The following COX10 variants were observed in gnomAD, a reference collection of about 807,000 sequenced individuals.
The protein encoded by COX10 is cytochrome c oxidase assembly factor heme A:farnesyltransferase COX10.
Under a neutral mutation model 37.3 loss-of-function variants are expected in COX10, and 27 were observed. The ratio of observed to expected loss-of-function variants is 0.72; its 90% CI spans 0.53 to 1.00. The LOEUF (loss-of-function observed/expected upper bound fraction) is 1.00, where lower values mean the gene tolerates loss of function less well. Ranked by LOEUF, COX10 falls within the 50% of genes least tolerant of loss-of-function variation. The pLI, the probability that COX10 is intolerant of heterozygous loss-of-function variation, is 0.00. For synonymous variants in COX10, 222 were observed against 229.1 expected (o/e 0.97, Z 0.28); for missense variants, 475 against 563.2 (o/e 0.84, Z 1.59).
At chr17:14,185,811 T>C (rs1452273966) in intron 5 of COX10, among the ~76,000 whole-genome samples, 3 of 150,040 alleles carry the variant, frequency 2.0e-5, no homozygotes, top group East Asian at 2.0e-4. Context: ...TGCAAATATA[T>C]GTAAAATGTG....
chr17:14,201,850 C>T (rs1392244735), intron 6 of COX10, among the ~76,000 whole-genome samples: 1 of 152,226 alleles, frequency 6.6e-6, no homozygotes, highest in Non-Finnish European at 1.5e-5. Context: ...TTCAAAGTCT[C>T]AGCGTGACCC....
intron 3 of COX10, among the ~76,000 whole-genome samples, chr17:14,090,580 C>T (rs1046021377): frequency 1.3e-5 from 2 of 152,160 alleles, no homozygotes; most frequent in African/African-American, 4.8e-5. Context: ...GATATTTTAT[C>T]TGTAGATGGA....
chr17:14,100,965 C>G (rs1288247446), intron 3 of COX10, among the ~76,000 whole-genome samples: 1 of 152,112 alleles, frequency 6.6e-6, no homozygotes, highest in Non-Finnish European at 1.5e-5. Context: ...CCTTTATCCA[C>G]TAGAAGACAA....
intron 5 of COX10, among the ~76,000 whole-genome samples, chr17:14,191,075 G>T (rs909304113): frequency 5.2e-4 from 79 of 152,084 alleles, no homozygotes; most frequent in African/African-American, 1.8e-3. Context: ...GAGAAGGCAG[G>T]CTTGAGTAAC....
chr17:14,087,568 C>G (rs1238138353), intron 3 of COX10, among the ~76,000 whole-genome samples: 1 of 152,070 alleles, frequency 6.6e-6, no homozygotes, highest in Middle Eastern at 3.2e-3. Context: ...TTGGAGTTCG[C>G]TCGCATTTTA....
intron 4 of COX10, among the ~76,000 whole-genome samples, chr17:14,113,829 G>C (rs1023812529): frequency 1.3e-5 from 2 of 152,118 alleles, no homozygotes; most frequent in Admixed American, 1.3e-4. Context: ...CATTAATTGT[G>C]ATAGAGTAAC....
intron 4 of COX10, among the ~76,000 whole-genome samples, chr17:14,115,775 A>G (rs76964198): frequency 1.3e-5 from 2 of 152,338 alleles, no homozygotes; most frequent in East Asian, 3.9e-4. Context: ...TCAGACACAG[A>G]AAGATAAATA....
At chr17:14,159,686 ATTG>A (rs1052631220) in intron 4 of COX10, among the ~76,000 whole-genome samples, 188 bp from the exon 5 acceptor site, 5 of 27,806 alleles carry the variant, frequency 1.8e-4, no homozygotes, top group Non-Finnish European at 4.2e-4. Context: ...AGTGCAAATT[ATTG>A]TTGTTGTTTT....
chr17:14,075,273 A>T (rs1405912370), intron 2 of COX10, among the ~76,000 whole-genome samples: 2 of 152,204 alleles, frequency 1.3e-5, no homozygotes, highest in Non-Finnish European at 2.9e-5. Flanking sequence ...TAGAGGAGAA[A>T]TTCAAATATG....
chr17:14,077,170 A>T lies in COX10; in HGVS notation c.499+114A>T. 3 of 978,304 alleles carry T rather than the reference A, an allele frequency of 3.1e-6. 1 individual carries two copies. The highest frequency in any genetic ancestry group is 4.5e-6 in the Non-Finnish European group (3 of 662,980). The allele number at this position is 978,304 out of a possible 1,614,324, so 60.6% of individuals were successfully genotyped here. A position where few individuals can be genotyped will look rare whatever the true frequency, so the allele number is the denominator to read the frequency against. On this transcript the variant is annotated intron_variant, in intron 3 of 6. Transcript: ENST00000261643. ...AATTTGGAACTGCAGGTCCTGTCTT[A>T]GTATTTTTCCTCTCTTCAATTTAAC...
chr17:14,155,201 T>G (rs1057163868), intron 4 of COX10, among the ~76,000 whole-genome samples: 1 of 151,996 alleles, frequency 6.6e-6, no homozygotes, highest in East Asian at 1.9e-4. Flanking sequence ...TTCTAAAGAT[T>G]TTGACATGGG....
intron 3 of COX10, among the ~76,000 whole-genome samples, chr17:14,082,685 A>G (rs1423973848): frequency 6.6e-6 from 1 of 152,164 alleles, no homozygotes; most frequent in Non-Finnish European, 1.5e-5. Flanking sequence ...CAAGAAATTA[A>G]TTAATTAATT....
intron 6 of COX10, among the ~76,000 whole-genome samples, chr17:14,197,195 C>T (rs1028619590): frequency 6.7e-6 from 1 of 149,876 alleles, no homozygotes; most frequent in African/African-American, 2.4e-5. Context: ...AAACACTGTG[C>T]ATTTGAGGCA....
chr17:14,202,185 T>C (rs918626636), intron 6 of COX10, among the ~76,000 whole-genome samples: 1 of 151,302 alleles, frequency 6.6e-6, no homozygotes, highest in Non-Finnish European at 1.5e-5. Context: ...TCCACTGATG[T>C]GGGAATGTCA....
intron 4 of COX10, among the ~76,000 whole-genome samples, chr17:14,120,908 C>A (rs1916215020): frequency 6.6e-6 from 1 of 152,112 alleles, no homozygotes; most frequent in African/African-American, 2.4e-5. Context: ...ATGTGGAGAA[C>A]CTGCATCTTT....
intron 5 of COX10, among the ~76,000 whole-genome samples, chr17:14,178,707 G>T (rs563455762): frequency 1.3e-5 from 2 of 152,048 alleles, no homozygotes; most frequent in Admixed American, 6.6e-5. Flanking sequence ...TCTGCATGGC[G>T]GCCCTGCCAA....
At chr17:14,087,417 A>C (rs894657301) in intron 3 of COX10, among the ~76,000 whole-genome samples, 1 of 152,278 alleles carries the variant, frequency 6.6e-6, no homozygotes, top group South Asian at 2.1e-4. Context: ...TGTAAGCTCC[A>C]TGGGGTGGGG....
chr17:14,170,728 G>T (rs1047084762), intron 5 of COX10, among the ~76,000 whole-genome samples: 3 of 152,142 alleles, frequency 2.0e-5, no homozygotes, highest in Non-Finnish European at 4.4e-5. Context: ...GAGGCAGGAG[G>T]ATTGCTTGAG....
At chr17:14,088,947 T>C (rs1450498625) in intron 3 of COX10, among the ~76,000 whole-genome samples, 2 of 152,210 alleles carry the variant, frequency 1.3e-5, no homozygotes, top group Non-Finnish European at 2.9e-5. Context: ...AGACTTTGCC[T>C]CTTAATTTGG....
Sources: gnomAD v4.1 joint callset for allele counts (sites outside exome capture counted in the v4.1 genomes callset) on GRCh38, gnomAD v4.1.1 for gene constraint, MANE v1.5 for transcripts, NCBI Gene and HGNC (gene_info 2026-07-23, HGNC 2026-07-21) for gene names.